ERBB4: variants seen among roughly 807,000 people sequenced by gnomAD.
The protein encoded by ERBB4 is receptor tyrosine-protein kinase erbB-4.
A neutral mutation model predicts 158.0 loss-of-function variants in ERBB4; 42 were observed. The ratio of observed to expected loss-of-function variants is 0.27; its 90% confidence interval spans 0.21 to 0.34. The LOEUF (loss-of-function observed/expected upper bound fraction) is 0.34. ERBB4 is among the 10% of genes least tolerant of loss of function. The pLI is 1.00. For missense variants in ERBB4, 1,333 were observed against 1,624.1 expected, an observed-to-expected ratio of 0.82 and a Z score of 3.08; for synonymous variants, 583 against 558.7, an observed-to-expected ratio of 1.04 and a Z score of -0.61.
In ERBB4 at chr2:211,413,216, T is replaced by C. The variant is rs1202468735; in HGVS notation, c.3135+7225A>G. 2.0e-5 allele frequency among the ~76,000 whole-genome samples: 3 copies of C among 149,274 alleles called. No homozygotes were observed. The Admixed American group carries it at 2.0e-4, about 10-fold the overall frequency. On this transcript the variant is annotated intron_variant, in intron 25 of 27. Transcript: ENST00000342788. ...TATTCAGGAGGCTGAGGCAGAAGGATCACTTGAGCCCAGGAGGTCAAGACT... is the reference window on the plus strand; with the variant it reads ...TATTCAGGAGGCTGAGGCAGAAGGACCACTTGAGCCCAGGAGGTCAAGACT...
At chr2:212,258,900 T>C (rs772872284) in intron 1 of ERBB4, among the ~76,000 whole-genome samples, 2 of 151,970 alleles carry the variant, frequency 1.3e-5, no homozygotes, top group Non-Finnish European at 2.9e-5. Context: ...AATGATCATC[T>C]TAGAGGAAAG....
intron 20 of ERBB4, among the ~76,000 whole-genome samples, chr2:211,523,405 T>C (rs1057224682): frequency 2.6e-5 from 4 of 151,012 alleles, no homozygotes; most frequent in Middle Eastern, 3.2e-3. Context: ...GTGTCCAGAA[T>C]TGGTGGGTTC....
In ERBB4 at chr2:211,387,167, CAT is replaced by C. The variant is rs773464528; in HGVS notation, c.3184-19_3184-18del. On this transcript the variant is annotated intron_variant, in intron 26 of 27. Coordinates refer to ENST00000342788, the MANE Select transcript of ERBB4 (RefSeq NM_005235.3). ...AAACTGGTTCTGTTAATAAGAGAAA[CAT>C]ATGTGGAGAGAAGGCGTTGTTAGAA... is the stretch of plus-strand genomic sequence containing the variant. 39 of 1,590,218 alleles carry C rather than the reference CAT, an allele frequency of 2.5e-5. No homozygotes were observed. In the Middle Eastern group the frequency reaches 1.2e-3, roughly 48 times the overall value.
At chr2:211,821,255 C>G (rs2076989558) in intron 3 of ERBB4, among the ~76,000 whole-genome samples, 1 of 151,682 alleles carries the variant, frequency 6.6e-6, no homozygotes, top group Non-Finnish European at 1.5e-5. Context: ...AGAAGACAAT[C>G]TCATTTACAA....
At chr2:211,963,666 T>A (rs1487138533) in intron 2 of ERBB4, among the ~76,000 whole-genome samples, 4 of 152,138 alleles carry the variant, frequency 2.6e-5, no homozygotes. Context: ...CATTGTAACC[T>A]AATTTTGCAG....
chr2:211,612,974 A>C (rs2069256668), intron 19 of ERBB4, among the ~76,000 whole-genome samples: 1 of 152,036 alleles, frequency 6.6e-6, no homozygotes, highest in African/African-American at 2.4e-5. Context: ...TACAAAATAT[A>C]TAAATGGGTG....
At chr2:211,739,064 TA>T (rs1251266169) in intron 5 of ERBB4, among the ~76,000 whole-genome samples, 1 of 152,320 alleles carries the variant, frequency 6.6e-6, no homozygotes, top group East Asian at 1.9e-4. Context: ...CACATGTTTT[TA>T]AATTTTTAAT....
intron 2 of ERBB4, among the ~76,000 whole-genome samples, chr2:212,026,614 A>C (rs1317843243): frequency 1.3e-5 from 2 of 151,952 alleles, no homozygotes; most frequent in Admixed American, 6.6e-5. Flanking sequence ...ATCAGTGTAC[A>C]TGATGCTAAA....
intron 3 of ERBB4, among the ~76,000 whole-genome samples, chr2:211,945,484 G>T (rs1474837424): frequency 6.6e-6 from 1 of 151,066 alleles, no homozygotes. Context: ...ACTTTTGAAT[G>T]AGTATGTATT....
At chr2:212,530,493 T>C (rs1366733191) in intron 1 of ERBB4, among the ~76,000 whole-genome samples, 1 of 152,138 alleles carries the variant, frequency 6.6e-6, no homozygotes, top group East Asian at 1.9e-4. Context: ...AGCAAAATAG[T>C]CACTGCCACC....
chr2:212,510,221 A>G (rs1379190208), intron 1 of ERBB4, among the ~76,000 whole-genome samples: 1 of 143,348 alleles, frequency 7.0e-6, no homozygotes, highest in Non-Finnish European at 1.5e-5. Flanking sequence ...ATATATATAT[A>G]TATATATATA....
chr2:211,864,449 A>T (rs2078152313), intron 3 of ERBB4, among the ~76,000 whole-genome samples: 1 of 152,182 alleles, frequency 6.6e-6, no homozygotes, highest in African/African-American at 2.4e-5. Flanking sequence ...CTTGCACAAA[A>T]GCTGGTGGTT....
chr2:211,836,673 C>T (rs1316681694), intron 3 of ERBB4, among the ~76,000 whole-genome samples: 1 of 152,062 alleles, frequency 6.6e-6, no homozygotes, highest in Non-Finnish European at 1.5e-5. Context: ...ACTTCCCAAA[C>T]ACCAGACAAG....
At chr2:211,927,652 A>G (rs1417437924) in intron 3 of ERBB4, among the ~76,000 whole-genome samples, 3 of 152,282 alleles carry the variant, frequency 2.0e-5, no homozygotes, top group Admixed American at 1.3e-4. Context: ...GGAAACACAA[A>G]TGTAGAGTGA....
chr2:211,513,305 T>G (rs1256685859), intron 20 of ERBB4, among the ~76,000 whole-genome samples: 2 of 137,912 alleles, frequency 1.5e-5, no homozygotes, highest in Non-Finnish European at 3.0e-5. Flanking sequence ...GAGCCGAGAT[T>G]GCGCCACTGC....
intron 1 of ERBB4, among the ~76,000 whole-genome samples, chr2:212,438,574 A>G (rs960959614): frequency 1.2e-4 from 19 of 152,166 alleles, no homozygotes; most frequent in South Asian, 4.1e-4. Context: ...AAACACATAC[A>G]TAAAACAATT....
At chr2:212,463,847 G>A (rs1233787908) in intron 1 of ERBB4, among the ~76,000 whole-genome samples, 5 of 152,102 alleles carry the variant, frequency 3.3e-5, no homozygotes, top group East Asian at 3.8e-4. Context: ...GAAAGACATT[G>A]AGAAACTTTA....
intron 2 of ERBB4, among the ~76,000 whole-genome samples, chr2:212,005,494 C>A (rs1288514329): frequency 6.6e-6 from 1 of 152,100 alleles, no homozygotes; most frequent in Non-Finnish European, 1.5e-5. Context: ...GGAATAGACA[C>A]AAGGTTCCTT....
At chr2:212,344,706 C>T (rs1223096882) in intron 1 of ERBB4, among the ~76,000 whole-genome samples, 1 of 152,182 alleles carries the variant, frequency 6.6e-6, no homozygotes, top group East Asian at 1.9e-4. Context: ...TATAACAATG[C>T]AGTTAAAATG....
Sources: allele counts gnomAD v4.1 joint callset (sites outside exome capture counted in the v4.1 genomes callset), GRCh38; gene constraint gnomAD v4.1.1; transcripts MANE v1.5; gene names NCBI Gene and HGNC (gene_info 2026-07-23, HGNC 2026-07-21).